Variants in ZNF33B observed in about 807,000 individuals in gnomAD.
The protein encoded by ZNF33B is zinc finger protein 33B.
ZNF33B carries 29 observed loss-of-function variants against 45.8 expected under a neutral mutation model. That is an observed-to-expected ratio of 0.63 (90% CI 0.47 to 0.86). The LOEUF is 0.86. Ranked by LOEUF, ZNF33B falls within the 40% of genes least tolerant of loss-of-function variation. The pLI, the probability that ZNF33B is intolerant of heterozygous loss-of-function variation, is 0.00. For synonymous variants in ZNF33B, 305 were observed against 307.8 expected, an observed-to-expected ratio of 0.99 and a Z score of 0.10; for missense variants, 831 against 909.9, an observed-to-expected ratio of 0.91 and a Z score of 1.12.
chr10:42,610,937 T>A (rs1157703273), intron 4 of ZNF33B, among the ~76,000 whole-genome samples: 1 of 152,254 alleles, frequency 6.6e-6, no homozygotes, highest in Non-Finnish European at 1.5e-5. Flanking sequence ...GATGGCATGA[T>A]AGTGGCATAG....
chr10:42,587,345 G>A (rs1259186831), downstream of ZNF33B, among the ~76,000 whole-genome samples: 2 of 152,022 alleles, frequency 1.3e-5, no homozygotes, highest in African/African-American at 2.4e-5. Flanking sequence ...GATTACAGGT[G>A]CCCACAACAC....
chr10:42,597,981 CA>C (rs552683567), intron 4 of ZNF33B, among the ~76,000 whole-genome samples: 3 of 151,254 alleles, frequency 2.0e-5, no homozygotes, highest in African/African-American at 4.9e-5. Flanking sequence ...TTTTCAAATG[CA>C]AAAAAAACCC....
chr10:42,581,154 G>C (rs139621670), intron 1 of ZNF33B, among the ~76,000 whole-genome samples: 1 of 152,222 alleles, frequency 6.6e-6, no homozygotes, highest in East Asian at 1.9e-4. Context: ...TATGCACCCA[G>C]TCCAGGTGTC....
At chr10:42,586,575 G>A (rs1238239895), downstream of ZNF33B, among the ~76,000 whole-genome samples, 2 of 152,164 alleles carry the variant, frequency 1.3e-5, no homozygotes, top group Admixed American at 6.5e-5. Flanking sequence ...ATTAACTGGG[G>A]TATTATAAAT....
Position 42,638,541 on chromosome 10 carries a change from T to C in ZNF33B, c.-112A>G. ...AGACCCCTGAAATCCCGGGACCGCC[T>C]CCCACGCAAAACGTGAGACAAACAA... On this transcript the variant is annotated 5_prime_UTR_variant, in exon 1 of 5. Coordinates refer to ENST00000359467, the MANE Select transcript of ZNF33B (RefSeq NM_006955.3). 2.1e-6 allele frequency: 1 copy of C among 480,434 alleles called. No homozygotes were observed. The highest frequency in any genetic ancestry group is 4.2e-6 in the Non-Finnish European group (1 of 240,742). 29.8% of individuals were successfully genotyped at this position (480,434 alleles called of 1,614,324 possible).
downstream of ZNF33B, among the ~76,000 whole-genome samples, chr10:42,588,651 A>T (rs1475202484): frequency 6.6e-6 from 1 of 152,212 alleles, no homozygotes; most frequent in Non-Finnish European, 1.5e-5. Flanking sequence ...GCAGAGCCAC[A>T]AAGGGTTCCA....
chr10:42,621,543 TA>T (rs60215790), intron 4 of ZNF33B, among the ~76,000 whole-genome samples: 37 of 144,474 alleles, frequency 2.6e-4, no homozygotes, highest in East Asian at 6.0e-4. Context: ...TCAATGTTTT[TA>T]AAAAAAAAAA....
At chr10:42,633,654 A>C (rs1839154336) in intron 2 of ZNF33B, among the ~76,000 whole-genome samples, 1 of 152,310 alleles carries the variant, frequency 6.6e-6, no homozygotes, top group Middle Eastern at 3.4e-3. Context: ...TTCTAGCAAG[A>C]AATGTCCTAA....
rs1465217404 is a variant in ZNF33B, at chr10:42,594,595, C to T, written c.355G>A (p.Gly119Ser). The change falls in exon 5 of 5, where the codon GGT (glycine) becomes AGT (serine). Residue 119 changes from glycine (G) to serine (S), a missense_variant. Physicochemically the swap from Gly to Ser is moderately conservative, Grantham distance 56 (BLOSUM62 0). Coordinates refer to ENST00000359467, the MANE Select transcript of ZNF33B (RefSeq NM_006955.3). ...TTAAATGGTATTCCTATTACATTACCTTGTTCCTTAGTCAGCATTTCATTA... is the reference window on the plus strand; with the variant it reads ...TTAAATGGTATTCCTATTACATTACTTTGTTCCTTAGTCAGCATTTCATTA... ...INNEMLTKEQ[G>S]NVIGIPFNMD... is the part of the protein sequence containing the mutation. 2 of 1,611,612 alleles carry T rather than the reference C, an allele frequency of 1.2e-6. No individual in the cohort carries two copies. Among genetic ancestry groups the T allele is most frequent in the Non-Finnish European group, 1.7e-6 (2 of 1,179,330 alleles).
chr10:42,635,958 G>A (rs775118804), intron 2 of ZNF33B, among the ~76,000 whole-genome samples: 4 of 151,796 alleles, frequency 2.6e-5, no homozygotes, highest in African/African-American at 4.8e-5. Flanking sequence ...GTGAAACCCC[G>A]TCTCTACTAA....
At chr10:42,623,773 T>G (rs1838688970) in intron 4 of ZNF33B, among the ~76,000 whole-genome samples, 1 of 152,220 alleles carries the variant, frequency 6.6e-6, no homozygotes, top group Non-Finnish European at 1.5e-5. Context: ...ACATTGTGAG[T>G]GTAATGCCAC....
At chr10:42,605,032 G>A (rs1837780263) in intron 4 of ZNF33B, 1 of 151,734 alleles carries the variant, frequency 6.6e-6, no homozygotes, top group Non-Finnish European at 1.5e-5. Flanking sequence ...AAATAAGAGT[G>A]AGGAAAAATG....
chr10:42,585,119 G>A (rs1836905105), downstream of ZNF33B, among the ~76,000 whole-genome samples: 1 of 152,148 alleles, frequency 6.6e-6, no homozygotes, highest in Admixed American at 6.5e-5. Flanking sequence ...TGACCACTTG[G>A]AAACCCAAAA....
chr10:42,601,388 T>C (rs1408153985), intron 4 of ZNF33B, among the ~76,000 whole-genome samples: 1 of 152,068 alleles, frequency 6.6e-6, no homozygotes, highest in East Asian at 1.9e-4. Flanking sequence ...TTTTCCCACT[T>C]TCCTTTTAGA....
At chr10:42,584,885 T>C (rs1836900686), downstream of ZNF33B, among the ~76,000 whole-genome samples, 1 of 152,142 alleles carries the variant, frequency 6.6e-6, no homozygotes, top group African/African-American at 2.4e-5. Flanking sequence ...CATCATCAGT[T>C]AGGATTAGGA....
intron 2 of ZNF33B, chr10:42,632,947 C>G (rs209391): frequency 0.88 from 142,107 of 161,072 alleles, 62,802 homozygotes; most frequent in East Asian, 0.98. Flanking sequence ...AAATGGCCTG[C>G]TGCTGTCTTG....
chr10:42,616,508 G>A (rs765359396), intron 4 of ZNF33B, among the ~76,000 whole-genome samples: 3 of 151,842 alleles, frequency 2.0e-5, no homozygotes, highest in African/African-American at 4.8e-5. Context: ...TAATCAAATC[G>A]TCTGCACACA....
intron 1 of ZNF33B, 107 bp from the exon 2 acceptor site, chr10:42,637,079 C>G: frequency 9.5e-7 from 1 of 1,049,102 alleles, no homozygotes; most frequent in Non-Finnish European, 1.4e-6. Flanking sequence ...TAAAATGCTC[C>G]GTCTGGGAGA....
At chr10:42,633,378 T>C (rs775913412) in intron 2 of ZNF33B, among the ~76,000 whole-genome samples, 24 of 152,326 alleles carry the variant, frequency 1.6e-4, no homozygotes, top group Non-Finnish European at 2.9e-4. Flanking sequence ...GATGTGAGCA[T>C]ATACTGCAAT....
Sources: allele counts gnomAD v4.1 joint callset (sites outside exome capture counted in the v4.1 genomes callset), GRCh38; gene constraint gnomAD v4.1.1; transcripts MANE v1.5; gene names NCBI Gene and HGNC (gene_info 2026-07-23, HGNC 2026-07-21).